Variants in CAMTA1 observed in about 807,000 individuals in gnomAD.
The protein encoded by CAMTA1 is calmodulin-binding transcription activator 1.
Under a neutral mutation model 170.9 loss-of-function variants are expected in CAMTA1, and 27 were observed. That is an observed-to-expected ratio of 0.16 (90% CI 0.12 to 0.22). The LOEUF is 0.22. Ranked by LOEUF, CAMTA1 falls within the 10% of genes least tolerant of loss-of-function variation. The pLI, the probability that CAMTA1 is intolerant of heterozygous loss-of-function variation, is 1.00. For missense variants in CAMTA1, 1,619 were observed against 2,217.2 expected, an observed-to-expected ratio of 0.73 and a Z score of 5.42; for synonymous variants, 833 against 891.5, an observed-to-expected ratio of 0.93 and a Z score of 1.17.
intron 3 of CAMTA1, among the ~76,000 whole-genome samples, chr1:6,935,465 G>A (rs1557852430): frequency 1.3e-5 from 2 of 152,092 alleles, no homozygotes; most frequent in Non-Finnish European, 2.9e-5. Flanking sequence ...CCAGTCGCGG[G>A]GCTGCAGCTG....
chr1:7,413,513 A>T (rs978976076), intron 5 of CAMTA1, among the ~76,000 whole-genome samples: 2 of 152,066 alleles, frequency 1.3e-5, no homozygotes, highest in African/African-American at 4.8e-5. Flanking sequence ...ATTCTCCTTG[A>T]AGCAATTGTG....
chr1:7,495,197 C>T (rs150019267), intron 6 of CAMTA1, among the ~76,000 whole-genome samples: 2 of 152,346 alleles, frequency 1.3e-5, no homozygotes, highest in South Asian at 4.1e-4. Context: ...AGCAAGCCTG[C>T]ATCCTCGTGA....
chr1:7,583,679 C>T (rs904698171), intron 6 of CAMTA1, among the ~76,000 whole-genome samples: 1 of 152,166 alleles, frequency 6.6e-6, no homozygotes, highest in Non-Finnish European at 1.5e-5. Context: ...AGTGACCAGA[C>T]TCTGAGGGTC....
chr1:7,251,865 A>G lies in CAMTA1; in HGVS notation c.438+2239A>G, dbSNP rs1191625452. Among the ~76,000 whole-genome samples the G allele has an allele frequency of 2.6e-5, 4 of 151,570 alleles. No homozygotes were observed. Among genetic ancestry groups the G allele is most frequent in the African/African-American group, 9.7e-5 (4 of 41,256 alleles). ...GTCGGGTGGGACTCTGTGTGTGTGT[A>G]TATATGTTTGTGTGTGTGTGTGTGC... On this transcript the variant is annotated intron_variant, in intron 5 of 22. Coordinates refer to ENST00000303635, the MANE Select transcript of CAMTA1 (RefSeq NM_015215.4). This position sits in a 1 kb window ranked among gnomAD's most constrained non-coding sequence, Gnocchi z 5.1.
At chr1:7,553,417 G>A (rs539406900) in intron 6 of CAMTA1, among the ~76,000 whole-genome samples, 1 of 152,368 alleles carries the variant, frequency 6.6e-6, no homozygotes, top group East Asian at 1.9e-4. Flanking sequence ...CATCAGCTGT[G>A]TATTGAGTGC....
intron 3 of CAMTA1, among the ~76,000 whole-genome samples, chr1:6,987,168 G>T (rs867091724): frequency 0.016 from 2,339 of 145,948 alleles, 60 homozygotes; most frequent in African/African-American, 0.055. Flanking sequence ...AGACTGTTTT[G>T]TTTTTTTTTT....
intron 3 of CAMTA1, among the ~76,000 whole-genome samples, chr1:7,047,915 A>C (rs1705669047): frequency 6.6e-6 from 1 of 152,076 alleles, no homozygotes; most frequent in Non-Finnish European, 1.5e-5. Flanking sequence ...TAAACCCTGA[A>C]GCTTCTATCA....
intron 5 of CAMTA1, among the ~76,000 whole-genome samples, chr1:7,448,564 G>A (rs1436904214): frequency 6.6e-6 from 1 of 152,196 alleles, no homozygotes; most frequent in Non-Finnish European, 1.5e-5. Flanking sequence ...AGACTAGGTG[G>A]CGTATAAAAA....
chr1:7,745,544 A>G (rs2096851257), intron 17 of CAMTA1, among the ~76,000 whole-genome samples: 1 of 152,166 alleles, frequency 6.6e-6, no homozygotes, highest in Non-Finnish European at 1.5e-5. Flanking sequence ...GAAAAAAAAG[A>G]GAGATAATGT....
At chr1:7,243,156 G>GTC (rs200705053) in intron 4 of CAMTA1, among the ~76,000 whole-genome samples, 1 of 151,566 alleles carries the variant, frequency 6.6e-6, no homozygotes, top group Non-Finnish European at 1.5e-5. Flanking sequence ...TCTCATACGT[G>GTC]TTAATAGCTG....
intron 6 of CAMTA1, among the ~76,000 whole-genome samples, chr1:7,488,584 G>A (rs1244918703): frequency 1.3e-5 from 2 of 151,978 alleles, no homozygotes; most frequent in Non-Finnish European, 2.9e-5. Context: ...CTGTACACAT[G>A]TGTACACATA....
In CAMTA1 at chr1:7,562,573, G is replaced by A. The variant is rs1474429455; in HGVS notation, c.511-77827G>A. ...CCCCTGACAGGCAGCAGTACCCGCT[G>A]TCACGCTGCCTGCATGTCCCAGAAA... On this transcript the variant is annotated intron_variant, in intron 6 of 22. Coordinates refer to ENST00000303635, the MANE Select transcript of CAMTA1 (RefSeq NM_015215.4). This position sits in a 1 kb window ranked among gnomAD's most constrained non-coding sequence, Gnocchi z 4.8. Among the ~76,000 whole-genome samples the A allele has an allele frequency of 2.6e-5, 4 of 152,226 alleles. No homozygotes were observed. Among genetic ancestry groups the A allele is most frequent in the African/African-American group, 9.6e-5 (4 of 41,456 alleles).
At chr1:6,947,104 TG>T (rs1687697849) in intron 3 of CAMTA1, among the ~76,000 whole-genome samples, 1 of 152,218 alleles carries the variant, frequency 6.6e-6, no homozygotes, top group African/African-American at 2.4e-5. Flanking sequence ...GTATCCTTTT[TG>T]TAAATCAATT....
intron 6 of CAMTA1, among the ~76,000 whole-genome samples, chr1:7,500,224 T>C (rs1371350747): frequency 7.4e-6 from 1 of 134,790 alleles, no homozygotes; most frequent in Admixed American, 7.4e-5. Flanking sequence ...TATATGAGTG[T>C]ATGTGTGTTC....
At chr1:6,834,910 A>T (rs1447203215) in intron 3 of CAMTA1, among the ~76,000 whole-genome samples, 1 of 152,146 alleles carries the variant, frequency 6.6e-6, no homozygotes, top group Non-Finnish European at 1.5e-5. Context: ...AAGTGCTGGG[A>T]TTATGGGTGG....
At chr1:7,135,879 T>A (rs917575407) in intron 4 of CAMTA1, among the ~76,000 whole-genome samples, 8 of 152,192 alleles carry the variant, frequency 5.3e-5, no homozygotes, top group Non-Finnish European at 1.2e-4. Context: ...CAAACCAACC[T>A]GGAAATCTCA....
intron 4 of CAMTA1, among the ~76,000 whole-genome samples, chr1:7,233,218 C>T (rs770524884): frequency 6.6e-6 from 1 of 152,154 alleles, no homozygotes; most frequent in African/African-American, 2.4e-5. Context: ...AATAAAATAT[C>T]GGTGTTGGAA....
At chr1:7,721,820 G>A (rs2096651452) in intron 11 of CAMTA1, among the ~76,000 whole-genome samples, 1 of 152,050 alleles carries the variant, frequency 6.6e-6, no homozygotes, top group South Asian at 2.1e-4. Flanking sequence ...CGCCATGTTG[G>A]CCAGGCTGGT....
At position 7,736,786 on chromosome 1, in the gene CAMTA1, C is replaced by T. The variant is rs2096775932; in HGVS notation, c.3264-145C>T. 1.4e-6 allele frequency: 1 copy of T among 727,808 alleles called. No individual in the cohort carries two copies. Among genetic ancestry groups the T allele is most frequent in the Non-Finnish European group, 2.3e-6 (1 of 428,724 alleles). The allele number at this position is 727,808 out of a possible 1,614,324, so 45.1% of individuals were successfully genotyped here. ...TTGGACCCCTAGCCAAATGGAGCGTCCACACTGCCCTGGGACTCTGTTTCT... is the reference window on the plus strand; with the variant it reads ...TTGGACCCCTAGCCAAATGGAGCGTTCACACTGCCCTGGGACTCTGTTTCT... On this transcript the variant is annotated intron_variant, in intron 13 of 22. Transcript: ENST00000303635. The surrounding 1 kb of genome is among the most constrained non-coding windows in gnomAD (Gnocchi z 4.5).
Sources: gnomAD v4.1 joint callset for allele counts (sites outside exome capture counted in the v4.1 genomes callset) on GRCh38, gnomAD v4.1.1 for gene constraint, Gnocchi (gnomAD v3.1) non-coding constraint, MANE v1.5 for transcripts, NCBI Gene and HGNC (gene_info 2026-07-23, HGNC 2026-07-21) for gene names.